Variants in LAMB4 observed in about 807,000 individuals in gnomAD.
The protein encoded by LAMB4 is laminin subunit beta 4.
LAMB4 carries 196 observed loss-of-function variants against 199.2 expected under a neutral mutation model. The ratio of observed to expected loss-of-function variants is 0.98; its 90% CI spans 0.88 to 1.11. The LOEUF (loss-of-function observed/expected upper bound fraction) is 1.11, where lower values mean the gene tolerates loss of function less well. Among genes scored for constraint, LAMB4 ranks in the 50% least tolerant of loss-of-function variants. The pLI, the probability that LAMB4 is intolerant of heterozygous loss-of-function variation, is 0.00. For missense variants in LAMB4, 2,080 were observed against 2,171.2 expected, an observed-to-expected ratio of 0.96 and a Z score of 0.83; for synonymous variants, 744 against 770.6, an observed-to-expected ratio of 0.97 and a Z score of 0.57.
At chr7:108,126,242 AT>A (rs1397466918) in intron 1 of LAMB4, among the ~76,000 whole-genome samples, 1 of 152,210 alleles carries the variant, frequency 6.6e-6, no homozygotes, top group Non-Finnish European at 1.5e-5. Flanking sequence ...CCTACATAAA[AT>A]TGACCATCTT....
chr7:108,087,588 G>A (rs980955668), intron 14 of LAMB4, among the ~76,000 whole-genome samples: 14 of 152,190 alleles, frequency 9.2e-5, no homozygotes, highest in Admixed American at 3.3e-4. Context: ...AGGCTGGGCC[G>A]TGAGGAAGTG....
rs1456764863 is a variant in LAMB4 at position 108,062,889 on chromosome 7, A to C, written c.3167T>G (p.Val1056Gly). The C allele has an allele frequency of 6.2e-7, 1 of 1,608,890 alleles. No homozygotes were observed. The highest frequency in any genetic ancestry group is 1.1e-5 in the South Asian group (1 of 89,906). The change falls in exon 23 of 34, where the codon GTC becomes GGC. Residue 1056 changes from valine (V) to glycine (G), a missense_variant. Coordinates refer to ENST00000388781, the MANE Select transcript of LAMB4 (RefSeq NM_007356.3). Reference sequence around the variant, plus strand: ...ACAACGGTCACAGGCCAGGCCTGTGACATTCGGCAGACAAGGACATGCACC... The same window carrying C: ...ACAACGGTCACAGGCCAGGCCTGTGCCATTCGGCAGACAAGGACATGCACC... ...VTGACPCLPN[V>G]TGLACDRCAD...
intron 3 of LAMB4, among the ~76,000 whole-genome samples, chr7:108,112,416 T>C (rs399882): frequency 0.4 from 59,987 of 151,518 alleles, 12,193 homozygotes; most frequent in Non-Finnish European, 0.42. Flanking sequence ...CTCAGTCTCC[T>C]GAGGAGCTGG....
intron 31 of LAMB4, among the ~76,000 whole-genome samples, chr7:108,031,364 G>GAAA (rs2035031522): frequency 3.4e-5 from 3 of 87,440 alleles, no homozygotes; most frequent in African/African-American, 4.3e-5. Flanking sequence ...AAAGAAAAAG[G>GAAA]AAAAGAAAAA....
intron 2 of LAMB4, among the ~76,000 whole-genome samples, chr7:108,120,734 G>T (rs944796170): frequency 3.3e-5 from 5 of 152,204 alleles, no homozygotes; most frequent in African/African-American, 1.2e-4. Flanking sequence ...CATTTCCGTT[G>T]ATGTTACATG....
At chr7:108,095,514 A>G (rs2037563580) in intron 11 of LAMB4, among the ~76,000 whole-genome samples, 177 bp from the exon 12 acceptor site, 1 of 152,210 alleles carries the variant, frequency 6.6e-6, no homozygotes, top group African/African-American at 2.4e-5. Flanking sequence ...CTCACAGAGG[A>G]AATCCTGTGT....
At position 108,061,790 on chromosome 7, in the gene LAMB4, G is replaced by A. The variant is rs193063487; in HGVS notation, c.3282+984C>T. Among the ~76,000 whole-genome samples, 4 of 151,330 alleles carry A rather than the reference G, an allele frequency of 2.6e-5. No homozygotes were observed. In the East Asian group the frequency reaches 5.8e-4, roughly 22 times the overall value. ...GGTGTTTGTGTGTGTTGGTGGATGA[G>A]GATTGGAGAGAAAGAAAAAGAAGAG... On this transcript the variant is annotated intron_variant, in intron 23 of 33. Transcript: ENST00000388781.
At chr7:108,040,137 C>T (rs1286668928) in intron 29 of LAMB4, among the ~76,000 whole-genome samples, 4 of 152,044 alleles carry the variant, frequency 2.6e-5, no homozygotes, top group African/African-American at 9.7e-5. Flanking sequence ...AAGAGCCAAG[C>T]CAGGAAGGCA....
chr7:108,114,099 AG>A (rs2038326393), intron 3 of LAMB4, among the ~76,000 whole-genome samples: 1 of 152,204 alleles, frequency 6.6e-6, no homozygotes, highest in African/African-American at 2.4e-5. Flanking sequence ...GGCAACAGTA[AG>A]CAAATGCCAG....
rs148363101 is a variant in LAMB4 at position 108,053,598 on chromosome 7, G to A, written c.3756-1341C>T. On this transcript the variant is annotated intron_variant, in intron 25 of 33. Coordinates refer to ENST00000388781, the MANE Select transcript of LAMB4 (RefSeq NM_007356.3). ...TTAAAGAGAAGTAGGAGTTTGGCAG[G>A]TGGGCTAGGAGGGAACAGGCCTCTG... Among the ~76,000 whole-genome samples, 557 of 152,324 alleles carry A rather than the reference G, an allele frequency of 3.7e-3. 3 individuals are homozygous for A. The highest frequency in any genetic ancestry group is 0.013 in the African/African-American group (533 of 41,580).
At chr7:108,103,285 G>A in intron 9 of LAMB4, 53 bp from the exon 10 acceptor site, 3 of 1,452,262 alleles carry the variant, frequency 2.1e-6, no homozygotes, top group Non-Finnish European at 2.8e-6. Flanking sequence ...GGGTGGCACA[G>A]CCAGTGCCCC....
In LAMB4 at chr7:108,106,357, G is replaced by A. The variant is rs1026125079; in HGVS notation, c.655+152C>T. ...TGCTTGAACCCAGGAGGCGGAGGTT[G>A]CAGAGAGCTGAGATCACACCACTGC... On this transcript the variant is annotated intron_variant, in intron 7 of 33. Coordinates refer to ENST00000388781, the MANE Select transcript of LAMB4 (RefSeq NM_007356.3). The A allele has an allele frequency of 1.3e-5, 8 of 616,728 alleles. 1 individual carries two copies. In the Admixed American group the frequency reaches 2.1e-4, roughly 17 times the overall value. The allele number at this position is 616,728 out of a possible 1,614,324, so 38.2% of individuals were successfully genotyped here. A position where few individuals can be genotyped will look rare whatever the true frequency, so the allele number is the denominator to read the frequency against.
chr7:108,057,318 T>A (rs1282391991), intron 24 of LAMB4, among the ~76,000 whole-genome samples: 1 of 152,140 alleles, frequency 6.6e-6, no homozygotes, highest in Non-Finnish European at 1.5e-5. Flanking sequence ...AGAGCCAAAG[T>A]TTCACCCTGG....
intron 14 of LAMB4, among the ~76,000 whole-genome samples, chr7:108,087,050 T>G (rs953797156): frequency 6.6e-6 from 1 of 152,160 alleles, no homozygotes; most frequent in Middle Eastern, 3.4e-3. Context: ...GGCTGTAGCA[T>G]AGGAAGAGAA....
chr7:108,047,393 CGAT>C (rs1309842081), intron 28 of LAMB4, among the ~76,000 whole-genome samples: 1 of 152,064 alleles, frequency 6.6e-6, no homozygotes, highest in African/African-American at 2.4e-5. Flanking sequence ...AATGTGATGA[CGAT>C]GAAGACCTTA....
At chr7:108,044,846 G>T (rs1407689976) in intron 28 of LAMB4, among the ~76,000 whole-genome samples, 1 of 151,502 alleles carries the variant, frequency 6.6e-6, no homozygotes, top group East Asian at 1.9e-4. Context: ...CCAGCTACTG[G>T]GGAGGCTGAG....
At chr7:108,112,523 C>A (rs2038267179) in intron 3 of LAMB4, among the ~76,000 whole-genome samples, 1 of 152,048 alleles carries the variant, frequency 6.6e-6, no homozygotes, top group Non-Finnish European at 1.5e-5. Context: ...GAACTCTTGG[C>A]CTCAAGTGAT....
At chr7:108,060,841 T>C (rs2036135066) in intron 23 of LAMB4, among the ~76,000 whole-genome samples, 1 of 152,254 alleles carries the variant, frequency 6.6e-6, no homozygotes, top group Admixed American at 6.5e-5. Flanking sequence ...GGAGATACTC[T>C]GTCCTCGAGG....
chr7:108,061,742 A>G lies in LAMB4; in HGVS notation c.3282+1032T>C, dbSNP rs868483049. ...CAACAGAGCAAGACTCTTGTCTCAA[A>G]AAAAAAAAAAAAAAAAAGATATGGT... On this transcript the variant is annotated intron_variant, in intron 23 of 33. Coordinates refer to ENST00000388781, the MANE Select transcript of LAMB4 (RefSeq NM_007356.3). 2.5e-3 allele frequency among the ~76,000 whole-genome samples: 307 copies of G among 121,708 alleles called. 3 individuals are homozygous for G. The highest frequency in any genetic ancestry group is 0.016 in the African/African-American group (265 of 16,718). 79.8% of individuals were successfully genotyped at this position (121,708 alleles called of 152,430 possible).
Sources: allele counts gnomAD v4.1 joint callset (sites outside exome capture counted in the v4.1 genomes callset), GRCh38; gene constraint gnomAD v4.1.1; transcripts MANE v1.5; gene names NCBI Gene and HGNC (gene_info 2026-07-23, HGNC 2026-07-21).